Variants in CYYR1 observed in about 807,000 individuals in gnomAD.
The protein encoded by CYYR1 is cysteine and tyrosine-rich protein 1.
In CYYR1, 14 loss-of-function variants were observed where a neutral mutation model predicts 15.2. That is an observed-to-expected ratio of 0.92 (90% confidence interval 0.61 to 1.44). The LOEUF is 1.44. Ranked by LOEUF, CYYR1 falls within the 40% of genes most tolerant of loss-of-function variation. The pLI is 0.00. For synonymous variants in CYYR1, 80 were observed against 77.4 expected (o/e 1.03, Z -0.18); for missense variants, 228 against 209.5 (o/e 1.09, Z -0.54).
chr21:26,510,886 T>G (rs1005990022), intron 2 of CYYR1, among the ~76,000 whole-genome samples: 5 of 152,348 alleles, frequency 3.3e-5, no homozygotes, highest in Middle Eastern at 3.4e-3. Flanking sequence ...AAATCTAAAC[T>G]TTTAAATACA....
At chr21:26,488,282 T>TTCCTTCCTTCCTTCCC (rs1156282921) in intron 2 of CYYR1, among the ~76,000 whole-genome samples, 1 of 151,482 alleles carries the variant, frequency 6.6e-6, no homozygotes, top group Non-Finnish European at 1.5e-5. Flanking sequence ...CCTTCCTTCC[T>TTCCTTCCTTCCTTCCC]TCCAGACAAG....
intron 2 of CYYR1, chr21:26,551,827 C>T: frequency 3.7e-6 from 1 of 268,564 alleles, no homozygotes; most frequent in Non-Finnish European, 7.5e-6. Flanking sequence ...GATAAAGCAG[C>T]AGTAGGGTTT....
In CYYR1 at chr21:26,480,348, C is replaced by T; in HGVS notation, c.258G>A (p.Met86Ile). The change falls in exon 3 of 4, where the codon ATG (methionine) becomes ATA (isoleucine). Residue 86 changes from methionine (M) to isoleucine (I), a missense_variant. Coordinates refer to ENST00000652641, the MANE Select transcript of CYYR1 (RefSeq NM_001320768.2). ...GGGTCGCCCTGTGGTTCTTCATGCACATGCAGATGCATATGGCAATCCCAG... is the reference window on the plus strand; with the variant it reads ...GGGTCGCCCTGTGGTTCTTCATGCATATGCAGATGCATATGGCAATCCCAG... ...VIAGIAICIC[M>I]CMKNHRATRV... 6.2e-7 allele frequency: 1 copy of T among 1,613,608 alleles called. No homozygotes were observed. The highest frequency in any genetic ancestry group is 1.1e-5 in the South Asian group (1 of 91,060).
intron 2 of CYYR1, among the ~76,000 whole-genome samples, chr21:26,502,592 A>G (rs2065496749): frequency 6.6e-6 from 1 of 152,158 alleles, no homozygotes; most frequent in Non-Finnish European, 1.5e-5. Flanking sequence ...TGGCTTTTAC[A>G]ATTTATCTTG....
chr21:26,498,029 C>T (rs562518996), intron 2 of CYYR1, among the ~76,000 whole-genome samples: 9 of 152,228 alleles, frequency 5.9e-5, no homozygotes, highest in Non-Finnish European at 8.8e-5. Context: ...TGTCAGCTTT[C>T]CAAGATTTCT....
chr21:26,572,514 T>C (rs1189745761), intron 1 of CYYR1, among the ~76,000 whole-genome samples: 1 of 152,146 alleles, frequency 6.6e-6, no homozygotes, highest in Admixed American at 6.5e-5. Context: ...CAGGACTATT[T>C]AGAAAGCAGA....
At chr21:26,497,752 A>G (rs920223594) in intron 2 of CYYR1, among the ~76,000 whole-genome samples, 5 of 152,182 alleles carry the variant, frequency 3.3e-5, no homozygotes, top group African/African-American at 1.2e-4. Context: ...TAAAACTAAT[A>G]ATTAATTTTT....
At chr21:26,556,261 TG>T (rs1277993758) in intron 2 of CYYR1, among the ~76,000 whole-genome samples, 2 of 152,184 alleles carry the variant, frequency 1.3e-5, no homozygotes, top group Admixed American at 1.3e-4. Flanking sequence ...ACCCACAAAA[TG>T]TCAGATTTTT....
At chr21:26,505,685 G>A (rs1458923803) in intron 2 of CYYR1, among the ~76,000 whole-genome samples, 1 of 152,144 alleles carries the variant, frequency 6.6e-6, no homozygotes, top group Non-Finnish European at 1.5e-5. Flanking sequence ...GTTTATGAGG[G>A]CAGTGGCAAA....
chr21:26,486,527 AG>A (rs1324735947), intron 2 of CYYR1, among the ~76,000 whole-genome samples: 2 of 152,146 alleles, frequency 1.3e-5, no homozygotes, highest in African/African-American at 2.4e-5. Flanking sequence ...ATTTATTAAA[AG>A]CATTCCTCAT....
At chr21:26,566,057 A>G (rs1980590866) in intron 2 of CYYR1, among the ~76,000 whole-genome samples, 1 of 152,224 alleles carries the variant, frequency 6.6e-6, no homozygotes, top group Non-Finnish European at 1.5e-5. Flanking sequence ...TAATGAAGGC[A>G]ATTTATTTTG....
chr21:26,468,761 T>C, intron 3 of CYYR1, 127 bp from the exon 4 acceptor site: 1 of 677,438 alleles, frequency 1.5e-6, no homozygotes. Context: ...TTAGTTTTAT[T>C]AGGTCAGGAC....
intron 2 of CYYR1, among the ~76,000 whole-genome samples, chr21:26,486,351 C>T (rs2065247288): frequency 6.6e-6 from 1 of 151,938 alleles, no homozygotes; most frequent in African/African-American, 2.4e-5. Flanking sequence ...GCCCTAGGTC[C>T]TGAAGACTTT....
At chr21:26,545,572 T>TTTTA (rs1267327122) in intron 2 of CYYR1, among the ~76,000 whole-genome samples, 4 of 123,924 alleles carry the variant, frequency 3.2e-5, no homozygotes, top group African/African-American at 1.2e-4. Context: ...TTATTCTTTT[T>TTTTA]TTTTTTTTTT....
chr21:26,478,693 G>A (rs1180677034), intron 3 of CYYR1, among the ~76,000 whole-genome samples: 1 of 152,068 alleles, frequency 6.6e-6, no homozygotes, highest in East Asian at 1.9e-4. Flanking sequence ...TAGACCCCAG[G>A]GGGCAAAGGG....
chr21:26,472,137 C>A (rs2065042824), intron 3 of CYYR1, among the ~76,000 whole-genome samples: 1 of 152,176 alleles, frequency 6.6e-6, no homozygotes, highest in Admixed American at 6.5e-5. Context: ...GTAGTTGCAT[C>A]CTTGCAGTCA....
At chr21:26,500,726 C>T (rs114014868) in intron 2 of CYYR1, among the ~76,000 whole-genome samples, 244 of 152,286 alleles carry the variant, frequency 1.6e-3, no homozygotes, top group African/African-American at 5.6e-3. Context: ...ATTGGCCACA[C>T]CCCTCTCCCC....
chr21:26,543,980 T>C (rs1018208021), intron 2 of CYYR1, among the ~76,000 whole-genome samples: 2 of 152,134 alleles, frequency 1.3e-5, no homozygotes, highest in African/African-American at 2.4e-5. Context: ...GCTGGGATTG[T>C]AGTGCTTACC....
intron 2 of CYYR1, among the ~76,000 whole-genome samples, chr21:26,503,421 T>C (rs1020879001): frequency 6.6e-6 from 1 of 152,208 alleles, no homozygotes; most frequent in Non-Finnish European, 1.5e-5. Flanking sequence ...GAAACAAATA[T>C]TGAATAAATA....
Sources: gnomAD v4.1 joint callset for allele counts (sites outside exome capture counted in the v4.1 genomes callset) on GRCh38, gnomAD v4.1.1 for gene constraint, MANE v1.5 for transcripts, NCBI Gene and HGNC (gene_info 2026-07-23, HGNC 2026-07-21) for gene names.